POU2AF2: variants seen among roughly 807,000 people sequenced by gnomAD.
POU2AF2 encodes POU domain class 2-associating factor 2.
At chr11:111,267,248 G>A in the POU2AF2 span, among the ~76,000 whole-genome samples, 2 of 152,112 alleles carry the variant, frequency 1.3e-5, no homozygotes, top group African/African-American at 4.8e-5. Context: ...GCATCCAGTG[G>A]GGGGAATATA....
At chr11:111,271,870 A>C in the POU2AF2 span, among the ~76,000 whole-genome samples, 2 of 152,124 alleles carry the variant, frequency 1.3e-5, no homozygotes, top group Admixed American at 1.3e-4. Context: ...AAAAAAAATT[A>C]GCCGGGCATG....
chr11:111,268,230 C>G, the POU2AF2 span, among the ~76,000 whole-genome samples: 1 of 152,058 alleles, frequency 6.6e-6, no homozygotes, highest in African/African-American at 2.4e-5. Flanking sequence ...AGCTTTGGAC[C>G]GAGGCATCCC....
the POU2AF2 span, among the ~76,000 whole-genome samples, chr11:111,259,923 G>A: frequency 2.0e-5 from 3 of 152,200 alleles, no homozygotes; most frequent in South Asian, 2.1e-4. Flanking sequence ...CCCAAAATGC[G>A]GTTATTTGGA....
chr11:111,285,060 C>T, the POU2AF2 span, among the ~76,000 whole-genome samples: 4 of 152,230 alleles, frequency 2.6e-5, no homozygotes, highest in East Asian at 3.8e-4. Flanking sequence ...CTTGCAACAA[C>T]TCAGGATATA....
the POU2AF2 span, among the ~76,000 whole-genome samples, chr11:111,251,643 C>A: frequency 1.3e-5 from 2 of 152,226 alleles, no homozygotes; most frequent in Non-Finnish European, 2.9e-5. Context: ...TTCCTCCTAA[C>A]CTGTCCACAT....
At chr11:111,253,726 G>A in the POU2AF2 span, among the ~76,000 whole-genome samples, 8 of 152,180 alleles carry the variant, frequency 5.3e-5, no homozygotes, top group African/African-American at 9.7e-5. Context: ...CCCCAATGGC[G>A]TATGGCCTAG....
the POU2AF2 span, among the ~76,000 whole-genome samples, chr11:111,268,925 C>T: frequency 6.6e-6 from 1 of 151,472 alleles, no homozygotes; most frequent in African/African-American, 2.4e-5. Flanking sequence ...TTTAGAAATC[C>T]CTGTTGTTCT....
chr11:111,265,387 C>T, the POU2AF2 span, among the ~76,000 whole-genome samples: 10 of 152,070 alleles, frequency 6.6e-5, no homozygotes, highest in African/African-American at 2.2e-4. Flanking sequence ...TTGTTCCTTT[C>T]GGAGCCTCCA....
the POU2AF2 span, among the ~76,000 whole-genome samples, chr11:111,277,682 A>C: frequency 6.6e-6 from 1 of 151,968 alleles, no homozygotes; most frequent in Admixed American, 6.5e-5. Flanking sequence ...TCCTGGCCCC[A>C]GCCTTGGCCA....
the POU2AF2 span, chr11:111,281,499 G>A: frequency 1.2e-5 from 19 of 1,571,264 alleles, no homozygotes; most frequent in Admixed American, 2.4e-4. Context: ...AAGCATCTGG[G>A]CTTCCATTCT....
At chr11:111,253,435 G>A in the POU2AF2 span, among the ~76,000 whole-genome samples, 1 of 152,164 alleles carries the variant, frequency 6.6e-6, no homozygotes, top group Non-Finnish European at 1.5e-5. Flanking sequence ...CATCACGATG[G>A]TTCTGAAACT....
chr11:111,283,659 A>G, the POU2AF2 span, among the ~76,000 whole-genome samples: 2 of 152,178 alleles, frequency 1.3e-5, no homozygotes, highest in Non-Finnish European at 2.9e-5. Context: ...GCGATCTCAG[A>G]TAACAGGCCA....
the POU2AF2 span, among the ~76,000 whole-genome samples, chr11:111,272,440 T>C: frequency 2.6e-5 from 4 of 152,224 alleles, no homozygotes; most frequent in African/African-American, 9.6e-5. Flanking sequence ...TCTCATTGGT[T>C]AATGGTGATG....
the POU2AF2 span, among the ~76,000 whole-genome samples, chr11:111,264,491 C>A: frequency 1.2e-5 from 1 of 86,006 alleles, no homozygotes; most frequent in African/African-American, 4.6e-5. Context: ...GCAAGACTCA[C>A]GAAAGAAAGA....
At chr11:111,285,030 T>C in the POU2AF2 span, among the ~76,000 whole-genome samples, 1 of 152,160 alleles carries the variant, frequency 6.6e-6, no homozygotes, top group African/African-American at 2.4e-5. Flanking sequence ...TGCCAGGAAA[T>C]GTGATGTGTT....
At chr11:111,254,254 A>T in the POU2AF2 span, among the ~76,000 whole-genome samples, 9 of 152,382 alleles carry the variant, frequency 5.9e-5, no homozygotes, top group East Asian at 1.7e-3. Flanking sequence ...CTGATTTCAA[A>T]GAAGTATTTC....
the POU2AF2 span, among the ~76,000 whole-genome samples, chr11:111,285,166 G>A: frequency 3.3e-5 from 5 of 152,140 alleles, no homozygotes; most frequent in Non-Finnish European, 5.9e-5. Flanking sequence ...AAACTTACGG[G>A]ATTCCTACCT....
the POU2AF2 span, among the ~76,000 whole-genome samples, chr11:111,280,922 G>A: frequency 1.3e-5 from 2 of 152,188 alleles, no homozygotes; most frequent in Admixed American, 1.3e-4. Context: ...TGGCCACAAT[G>A]CATGATAAAT....
the POU2AF2 span, chr11:111,284,381 A>C: frequency 6.3e-7 from 1 of 1,591,914 alleles, no homozygotes; most frequent in Non-Finnish European, 8.6e-7. Context: ...CCTATTTGTG[A>C]GTATGCAGAG....
Sources: allele counts gnomAD v4.1 joint callset (sites outside exome capture counted in the v4.1 genomes callset), GRCh38; gene constraint gnomAD v4.1.1; transcripts MANE v1.5; gene names NCBI Gene and HGNC (gene_info 2026-07-23, HGNC 2026-07-21).